Variants in P4HTM observed in about 807,000 individuals in gnomAD.
The protein encoded by P4HTM is transmembrane prolyl 4-hydroxylase.
Under a neutral mutation model 55.3 loss-of-function variants are expected in P4HTM, and 33 were observed. The ratio of observed to expected loss-of-function variants is 0.60; its 90% CI spans 0.45 to 0.80. The LOEUF is 0.80. Among genes scored for constraint, P4HTM ranks in the 30% least tolerant of loss-of-function variants. P4HTM has a pLI of 0.00. For synonymous variants in P4HTM, 272 were observed against 286.4 expected, an observed-to-expected ratio of 0.95 and a Z score of 0.51; for missense variants, 542 against 696.5, an observed-to-expected ratio of 0.78 and a Z score of 2.50.
Position 49,006,888 on chromosome 3 carries a change from AT to A in P4HTM, c.1491del (p.Asp497GlufsTer36). 6.2e-7 allele frequency: 1 copy of A among 1,612,244 alleles called. No homozygotes were observed. On this transcript the variant is annotated frameshift_variant, in exon 9 of 9. Coordinates refer to ENST00000383729, the MANE Select transcript of P4HTM (RefSeq NM_177939.3). LOFTEE classifies it high-confidence loss of function. ...TGGGCTCTGGACCGGGCCTACCGCG[AT>A]GCGCGCGTGGAACTCTGAGGGAAGA... is the stretch of plus-strand genomic sequence containing the variant. ...PEWALDRAYR[D>X]ARVEL
chr3:49,000,033 T>A (rs2092956780), intron 2 of P4HTM, among the ~76,000 whole-genome samples: 1 of 152,206 alleles, frequency 6.6e-6, no homozygotes, highest in Non-Finnish European at 1.5e-5. Context: ...TAGCTGAATC[T>A]GGTCATGAGC....
At chr3:48,991,090 T>G in intron 2 of P4HTM, 176 bp downstream of exon 2, 1 of 595,598 alleles carries the variant, frequency 1.7e-6, no homozygotes, top group Non-Finnish European at 3.0e-6. Flanking sequence ...ACACTCCCTC[T>G]TATCCCAACT....
chr3:48,995,373 C>T (rs1184204782), intron 2 of P4HTM, among the ~76,000 whole-genome samples: 1 of 152,208 alleles, frequency 6.6e-6, no homozygotes, highest in Non-Finnish European at 1.5e-5. Context: ...CCTCAGAGAC[C>T]TCTTGTCCTC....
In P4HTM at chr3:48,999,421, T is replaced by C. The variant is rs548774520; in HGVS notation, c.437-2017T>C. Reference sequence around the variant, plus strand: ...TAGCCAATGTCGTGGCATAGGGCCATGGCTTGGGGAATGGGCATGCACCTC... The same window carrying C: ...TAGCCAATGTCGTGGCATAGGGCCACGGCTTGGGGAATGGGCATGCACCTC... On this transcript the variant is annotated intron_variant, in intron 2 of 8. Coordinates refer to ENST00000383729, the MANE Select transcript of P4HTM (RefSeq NM_177939.3). This position sits in a 1 kb window ranked among gnomAD's most constrained non-coding sequence, Gnocchi z 4.8. 1.8e-5 allele frequency: 3 copies of C among 166,540 alleles called. No homozygotes were observed. Among genetic ancestry groups the C allele is most frequent in the African/African-American group, 7.2e-5 (3 of 41,584 alleles). The allele number at this position is 166,540 out of a possible 1,614,324, so 10.3% of individuals were successfully genotyped here. A position where few individuals can be genotyped will look rare whatever the true frequency, so the allele number is the denominator to read the frequency against.
Position 49,004,846 on chromosome 3 carries a change from C to G in P4HTM, c.888-15C>G. On this transcript the variant is annotated splice_polypyrimidine_tract_variant and intron_variant, in intron 5 of 8. Transcript: ENST00000383729. The stretch of plus-strand genomic sequence containing the variant: ...TTGCCTGGGGCTGCCCAGCCAAATG[C>G]CTGCTGCCCACCAGGGTGCTGCGCC... 2 of 1,594,274 alleles carry G rather than the reference C, an allele frequency of 1.3e-6. No individual in the cohort carries two copies. The highest frequency in any genetic ancestry group is 1.7e-6 in the Non-Finnish European group (2 of 1,172,112).
intron 5 of P4HTM, 95 bp downstream of exon 5, chr3:49,004,355 A>C: frequency 8.1e-7 from 1 of 1,233,258 alleles, no homozygotes; most frequent in South Asian, 1.6e-5. Flanking sequence ...GACAGAATGG[A>C]TTAACCCATT....
chr3:49,002,294 C>T lies in P4HTM; in HGVS notation c.628-206C>T, dbSNP rs553628700. 7.5e-4 allele frequency among the ~76,000 whole-genome samples: 114 copies of T among 152,386 alleles called. No individual in the cohort carries two copies. The highest frequency in any genetic ancestry group is 2.7e-3 in the African/African-American group (111 of 41,594). On this transcript the variant is annotated intron_variant, in intron 3 of 8. Transcript: ENST00000383729. The surrounding 1 kb of genome is among the most constrained non-coding windows in gnomAD (Gnocchi z 4.4). ...TTAGTCCGGGAATGCAAATGGCCTACGCCTCTTGACCCCCAGCCCCCGGCC... is the reference window on the plus strand; with the variant it reads ...TTAGTCCGGGAATGCAAATGGCCTATGCCTCTTGACCCCCAGCCCCCGGCC...
intron 2 of P4HTM, chr3:48,998,330 CAGGCTGT>C (rs2092951849): frequency 6.6e-6 from 1 of 152,318 alleles, no homozygotes; most frequent in Non-Finnish European, 1.5e-5. Flanking sequence ...TGGCCTCGCA[CAGGCTGT>C]AGGAGGGGTA....
At chr3:48,993,381 C>T (rs189361368) in intron 2 of P4HTM, among the ~76,000 whole-genome samples, 4 of 152,044 alleles carry the variant, frequency 2.6e-5, no homozygotes, top group Non-Finnish European at 1.5e-5. Flanking sequence ...AAAGAGGGGT[C>T]CAGGAAGGAA....
Position 49,002,994 on chromosome 3 carries a change from C to G in P4HTM, c.724+398C>G, listed in dbSNP as rs1054907371. On this transcript the variant is annotated intron_variant, in intron 4 of 8. Transcript: ENST00000383729. This position sits in a 1 kb window ranked among gnomAD's most constrained non-coding sequence, Gnocchi z 4.4. ...CCATCTCTCCAGCCAGACACGAGGT[C>G]CACCCCAGCAGACAGCTTCCCTGGT... 1.1e-5 allele frequency: 4 copies of G among 352,720 alleles called. No individual in the cohort carries two copies. The highest frequency in any genetic ancestry group is 2.2e-5 in the Non-Finnish European group (4 of 179,654). The allele number at this position is 352,720 out of a possible 1,614,324, so 21.8% of individuals were successfully genotyped here.
chr3:49,002,643 C>A lies in P4HTM; in HGVS notation c.724+47C>A. ...GTCCTATCCCCGTGAGCCTCCTGCC[C>A]ACTCCCAGGTGCACAATTTTGAAAA... On this transcript the variant is annotated intron_variant, in intron 4 of 8. Transcript: ENST00000383729. The surrounding 1 kb of genome is among the most constrained non-coding windows in gnomAD (Gnocchi z 4.4). 1 of 1,429,518 alleles carries A rather than the reference C, an allele frequency of 7.0e-7. No homozygotes were observed. Among genetic ancestry groups the A allele is most frequent in the Non-Finnish European group, 9.9e-7 (1 of 1,011,396 alleles). 88.6% of individuals were successfully genotyped at this position (1,429,518 alleles called of 1,614,324 possible).
Position 49,007,045 on chromosome 3 carries a change from T to G in P4HTM, c.*138T>G. 1.4e-6 allele frequency: 1 copy of G among 728,724 alleles called. No individual in the cohort carries two copies. Among genetic ancestry groups the G allele is most frequent in the South Asian group, 1.8e-5 (1 of 56,678 alleles). The allele number at this position is 728,724 out of a possible 1,614,324, so 45.1% of individuals were successfully genotyped here. A position where few individuals can be genotyped will look rare whatever the true frequency, so the allele number is the denominator to read the frequency against. ...CCCCGCCAGCCGCGATACGGCGCAGTTCCTATATTCATGTTATTTATTGTG... is the reference window on the plus strand; with the variant it reads ...CCCCGCCAGCCGCGATACGGCGCAGGTCCTATATTCATGTTATTTATTGTG... On this transcript the variant is annotated 3_prime_UTR_variant, in exon 9 of 9. Coordinates refer to ENST00000383729, the MANE Select transcript of P4HTM (RefSeq NM_177939.3). This position sits in a 1 kb window ranked among gnomAD's most constrained non-coding sequence, Gnocchi z 5.1.
At chr3:48,996,780 G>A (rs1258323670) in intron 2 of P4HTM, among the ~76,000 whole-genome samples, 3 of 152,186 alleles carry the variant, frequency 2.0e-5, no homozygotes, top group African/African-American at 7.2e-5. Flanking sequence ...GTATAATTAA[G>A]TCTGTCCGGG....
In P4HTM at chr3:49,005,855, C is replaced by T; in HGVS notation, c.1152C>T (p.Thr384=). ...TTTTCCCTGTAGCAGATAACAGAAC[C>T]TACGATGAAATGGTAAGGGTCAACT... ...ETVFPVADNR[T]YDEMSLIQDD... is the part of the protein sequence containing the mutation. The change falls in exon 7 of 9, where the codon ACC becomes ACT. Residue 384 remains threonine (T), a synonymous_variant. Transcript: ENST00000383729. 6.5e-7 allele frequency: 1 copy of T among 1,549,710 alleles called. No individual in the cohort carries two copies. Among genetic ancestry groups the T allele is most frequent in the Non-Finnish European group, 8.7e-7 (1 of 1,149,106 alleles).
Position 48,990,535 on chromosome 3 carries a change from C to G in P4HTM, c.279C>G (p.Pro93=), listed in dbSNP as rs746905760. The G allele has an allele frequency of 1.2e-6, 2 of 1,610,574 alleles. No homozygotes were observed. Among genetic ancestry groups the G allele is most frequent in the Non-Finnish European group, 1.7e-6 (2 of 1,179,246 alleles). Residue 93 remains proline (P), a synonymous_variant, in exon 1 of 9, where the codon CCC becomes CCG. Transcript: ENST00000383729. This position sits in a 1 kb window ranked among gnomAD's most constrained non-coding sequence, Gnocchi z 7.2. Reference sequence around the variant, plus strand: ...GCAACGGCGACGAAAGCAGCGATCCCGGGCCCCAACACCGTGCCCAGGGCC... The same window carrying G: ...GCAACGGCGACGAAAGCAGCGATCCGGGGCCCCAACACCGTGCCCAGGGCC... The part of the protein sequence containing the change: ...HYSNGDESSD[P]GPQHRAQGPG...
chr3:49,003,639 C>G (rs2092968148), intron 4 of P4HTM: 1 of 154,638 alleles, frequency 6.5e-6, no homozygotes, highest in African/African-American at 2.4e-5. Flanking sequence ...TCATGAGGAA[C>G]TCCCCGGGGG....
rs1374685350 is a variant in P4HTM at position 49,005,746 on chromosome 3, G to C, written c.1074-31G>C. On this transcript the variant is annotated intron_variant, in intron 6 of 8. Coordinates refer to ENST00000383729, the MANE Select transcript of P4HTM (RefSeq NM_177939.3). ...AGCCCCTGGGAGCATCCACAACTGG[G>C]GACCTGCTCAGTGCCCCCCCTGCCT... 1.3e-6 allele frequency: 2 copies of C among 1,571,580 alleles called. No homozygotes were observed. Among genetic ancestry groups the C allele is most frequent in the East Asian group, 4.5e-5 (2 of 44,418 alleles).
intron 6 of P4HTM, 48 bp downstream of exon 6, chr3:49,005,094 C>A: frequency 6.2e-7 from 1 of 1,613,650 alleles, no homozygotes; most frequent in Non-Finnish European, 8.5e-7. Flanking sequence ...AGACCAGGAA[C>A]ACCCATGACA....
Position 48,994,773 on chromosome 3 carries a change from G to A in P4HTM, c.436+3859G>A, listed in dbSNP as rs548370263. ...CTGTCATAGCAGATCAGATCTCATG[G>A]CTCTCTCTTTTTGTTTTGTTTTGTT... On this transcript the variant is annotated intron_variant, in intron 2 of 8. Transcript: ENST00000383729. 7.3e-5 allele frequency among the ~76,000 whole-genome samples: 11 copies of A among 150,990 alleles called. No individual in the cohort carries two copies. The South Asian group carries it at 2.3e-3, about 31-fold the overall frequency.
Sources: allele counts gnomAD v4.1 joint callset (sites outside exome capture counted in the v4.1 genomes callset), GRCh38; gene constraint gnomAD v4.1.1; non-coding constraint Gnocchi (gnomAD v3.1); transcripts MANE v1.5; gene names NCBI Gene and HGNC (gene_info 2026-07-23, HGNC 2026-07-21).